The following THSD7B variants were observed in gnomAD, a reference collection of about 807,000 sequenced individuals.
THSD7B encodes the protein thrombospondin type-1 domain-containing protein 7B.
A neutral mutation model predicts 213.6 loss-of-function variants in THSD7B; 138 were observed. That is an observed-to-expected ratio of 0.65 (90% CI 0.56 to 0.74). The LOEUF is 0.74. Ranked by LOEUF, THSD7B falls within the 30% of genes least tolerant of loss-of-function variation. The pLI is 0.00. For missense variants in THSD7B, 1,931 were observed against 1,991.5 expected, an observed-to-expected ratio of 0.97 and a Z score of 0.58; for synonymous variants, 742 against 687.0, an observed-to-expected ratio of 1.08 and a Z score of -1.25.
chr2:137,189,553 A>G (rs573332031), intron 7 of THSD7B, among the ~76,000 whole-genome samples: 1 of 138,818 alleles, frequency 7.2e-6, no homozygotes, highest in East Asian at 2.0e-4. Context: ...GGTCCTCCCC[A>G]TGACCTATGC....
intron 12 of THSD7B, among the ~76,000 whole-genome samples, chr2:137,395,673 C>T (rs1302818867): frequency 5.3e-5 from 8 of 152,208 alleles, no homozygotes; most frequent in Admixed American, 1.3e-4. Context: ...TGATGCTGGC[C>T]TCATACAATG....
intron 12 of THSD7B, among the ~76,000 whole-genome samples, chr2:137,307,338 G>T (rs1435414691): frequency 1.3e-5 from 2 of 151,918 alleles, no homozygotes; most frequent in East Asian, 1.9e-4. Flanking sequence ...AGGGTAACTC[G>T]CAGCCCGCCC....
At chr2:136,815,999 C>A (rs1015129651) in intron 1 of THSD7B, among the ~76,000 whole-genome samples, 1 of 152,174 alleles carries the variant, frequency 6.6e-6, no homozygotes, top group Non-Finnish European at 1.5e-5. Context: ...ATCCTCCTGC[C>A]TCAGTCTCCT....
intron 7 of THSD7B, among the ~76,000 whole-genome samples, chr2:137,214,290 T>C (rs1316273069): frequency 6.6e-6 from 1 of 152,178 alleles, no homozygotes; most frequent in African/African-American, 2.4e-5. Flanking sequence ...CAACATCAAG[T>C]TGCTGACATC....
intron 12 of THSD7B, among the ~76,000 whole-genome samples, chr2:137,382,834 T>G (rs1252757259): frequency 6.6e-6 from 1 of 152,176 alleles, no homozygotes; most frequent in Non-Finnish European, 1.5e-5. Context: ...GAGCCTTCAC[T>G]GTTTAAGGAA....
At chr2:136,767,469 G>T (rs1418439311) in intron 1 of THSD7B, among the ~76,000 whole-genome samples, 1 of 151,694 alleles carries the variant, frequency 6.6e-6, no homozygotes, top group Non-Finnish European at 1.5e-5. Flanking sequence ...GTGTGTGTGT[G>T]TGTGTGTGTG....
At chr2:137,287,414 A>T (rs1250632798) in intron 12 of THSD7B, among the ~76,000 whole-genome samples, 1 of 152,092 alleles carries the variant, frequency 6.6e-6, no homozygotes, top group African/African-American at 2.4e-5. Context: ...CAGAACAAAG[A>T]TTGCATTTTA....
At chr2:137,614,032 G>A (rs1328317702) in intron 17 of THSD7B, among the ~76,000 whole-genome samples, 2 of 152,114 alleles carry the variant, frequency 1.3e-5, no homozygotes, top group Admixed American at 6.6e-5. Flanking sequence ...AGATGAGGCT[G>A]AATCACGTTC....
intron 1 of THSD7B, among the ~76,000 whole-genome samples, chr2:136,805,493 A>G (rs1233379113): frequency 2.0e-5 from 3 of 152,242 alleles, no homozygotes; most frequent in Non-Finnish European, 4.4e-5. Context: ...TAAGCCCAGC[A>G]CAGTGAGAGT....
chr2:137,307,433 CAGGAATAAA>C (rs775920015), intron 12 of THSD7B, among the ~76,000 whole-genome samples: 1 of 152,046 alleles, frequency 6.6e-6, no homozygotes, highest in Non-Finnish European at 1.5e-5. Context: ...CTCGACAACC[CAGGAATAAA>C]AGGAGGCTGT....
intron 10 of THSD7B, among the ~76,000 whole-genome samples, chr2:137,243,419 A>G (rs1681958372): frequency 6.6e-6 from 1 of 152,194 alleles, no homozygotes; most frequent in African/African-American, 2.4e-5. Context: ...TATTACCTCT[A>G]ATGCCCAGAG....
intron 3 of THSD7B, among the ~76,000 whole-genome samples, chr2:137,084,951 C>T (rs768354214): frequency 6.6e-6 from 1 of 151,924 alleles, no homozygotes; most frequent in Non-Finnish European, 1.5e-5. Context: ...TAAAAATTAC[C>T]CCCTTACCTA....
chr2:137,469,194 A>G (rs1293993270), intron 15 of THSD7B, among the ~76,000 whole-genome samples: 1 of 152,216 alleles, frequency 6.6e-6, no homozygotes, highest in Non-Finnish European at 1.5e-5. Flanking sequence ...AGATCAAACC[A>G]GAAAGGTAAT....
At chr2:137,549,957 G>C (rs998869202) in intron 15 of THSD7B, among the ~76,000 whole-genome samples, 2 of 151,944 alleles carry the variant, frequency 1.3e-5, no homozygotes, top group Admixed American at 6.6e-5. Flanking sequence ...ACTACAATCT[G>C]TTCTATGAAA....
intron 2 of THSD7B, among the ~76,000 whole-genome samples, chr2:136,898,132 G>A (rs1164737406): frequency 6.6e-6 from 1 of 152,194 alleles, no homozygotes; most frequent in Admixed American, 6.5e-5. Flanking sequence ...CTCAACCCAG[G>A]AAATCTAGCT....
At chr2:137,260,183 A>G (rs1281840965) in intron 10 of THSD7B, among the ~76,000 whole-genome samples, 2 of 152,246 alleles carry the variant, frequency 1.3e-5, no homozygotes, top group African/African-American at 4.8e-5. Flanking sequence ...TCAACAAATT[A>G]TAGCCCAAAT....
chr2:137,409,868 G>A (rs1686609344), intron 13 of THSD7B, among the ~76,000 whole-genome samples: 1 of 152,182 alleles, frequency 6.6e-6, no homozygotes, highest in Admixed American at 6.5e-5. Context: ...AGACCTTAAA[G>A]ATAAGGAATA....
In THSD7B at chr2:137,432,257, A is replaced by G. The variant is rs140116003; in HGVS notation, c.2960-18588A>G. 3.5e-3 allele frequency among the ~76,000 whole-genome samples: 528 copies of G among 152,096 alleles called. 2 individuals are homozygous for G. The highest frequency in any genetic ancestry group is 0.012 in the African/African-American group (492 of 41,512). On this transcript the variant is annotated intron_variant, in intron 14 of 27. Transcript: ENST00000409968. ...ATCCAAAAAATTAGCTGGGCGTGGC[A>G]GTGTCTGCCTGTAATCCCAGCTACT...
chr2:137,300,563 T>C (rs1573943851), intron 12 of THSD7B, among the ~76,000 whole-genome samples: 1 of 152,254 alleles, frequency 6.6e-6, no homozygotes, highest in East Asian at 1.9e-4. Context: ...ATTTTCAAAA[T>C]TTATTACAAA....
Sources: allele counts gnomAD v4.1 joint callset (sites outside exome capture counted in the v4.1 genomes callset), GRCh38; gene constraint gnomAD v4.1.1; transcripts MANE v1.5; gene names NCBI Gene and HGNC (gene_info 2026-07-23, HGNC 2026-07-21).